Variants in ZNF644 observed in about 807,000 individuals in gnomAD.
ZNF644 encodes the protein zinc finger protein 644.
Under a neutral mutation model 108.0 loss-of-function variants are expected in ZNF644, and 20 were observed. The ratio of observed to expected loss-of-function variants is 0.19; its 90% CI spans 0.13 to 0.27. ZNF644 has a LOEUF of 0.27. ZNF644 is among the 10% of genes least tolerant of loss of function. The pLI, the probability that ZNF644 is intolerant of heterozygous loss-of-function variation, is 1.00. For synonymous variants in ZNF644, 542 were observed against 539.1 expected (o/e 1.01, Z -0.08); for missense variants, 1,338 against 1,548.9 (o/e 0.86, Z 2.29).
chr1:90,936,140 C>A (rs576896728), intron 4 of ZNF644, among the ~76,000 whole-genome samples: 1 of 152,234 alleles, frequency 6.6e-6, no homozygotes, highest in Non-Finnish European at 1.5e-5. Context: ...TTGCTAAAAT[C>A]TTTGTGCTAA....
rs1269666611 is a variant in ZNF644 at position 90,917,001 on chromosome 1, A to G, written c.3792-11T>C. 9.3e-6 allele frequency: 15 copies of G among 1,614,018 alleles called. No individual in the cohort carries two copies. Among genetic ancestry groups the G allele is most frequent in the East Asian group, 2.2e-5 (1 of 44,874 alleles). ...ACTAGGCCACAAAACCTACAGAAAG[A>G]TAACAATTCTCTTAACATGACCAAT... On this transcript the variant is annotated splice_polypyrimidine_tract_variant and intron_variant, in intron 5 of 5. Coordinates refer to ENST00000337393, the MANE Select transcript of ZNF644 (RefSeq NM_201269.3).
intron 4 of ZNF644, 55 bp from the exon 5 acceptor site, chr1:90,918,209 A>C: frequency 7.1e-7 from 1 of 1,414,552 alleles, no homozygotes; most frequent in Non-Finnish European, 1.0e-6. Context: ...AAATATACAT[A>C]CACACATATT....
At chr1:90,923,364 G>A (rs1425626302) in intron 4 of ZNF644, among the ~76,000 whole-genome samples, 2 of 151,866 alleles carry the variant, frequency 1.3e-5, no homozygotes, top group Admixed American at 6.6e-5. Flanking sequence ...AAAAAAAAAG[G>A]CTGAGAAAAA....
intron 1 of ZNF644, among the ~76,000 whole-genome samples, chr1:91,000,053 C>T (rs1288392969): frequency 6.6e-6 from 1 of 152,144 alleles, no homozygotes; most frequent in Non-Finnish European, 1.5e-5. Flanking sequence ...CCTTAGAGAC[C>T]TACAAAGAGA....
intron 1 of ZNF644, among the ~76,000 whole-genome samples, chr1:91,005,452 C>T (rs1659322349): frequency 6.6e-6 from 1 of 152,070 alleles, no homozygotes; most frequent in Admixed American, 6.5e-5. Context: ...AAGACTTGAA[C>T]ACTATAAACT....
chr1:90,977,466 A>G (rs1656129230), intron 2 of ZNF644, among the ~76,000 whole-genome samples: 1 of 152,212 alleles, frequency 6.6e-6, no homozygotes, highest in African/African-American at 2.4e-5. Context: ...CTTCACATAT[A>G]TTCTCCAACA....
chr1:91,009,884 C>A (rs1321940953), intron 1 of ZNF644, among the ~76,000 whole-genome samples: 1 of 152,098 alleles, frequency 6.6e-6, no homozygotes, highest in African/African-American at 2.4e-5. Context: ...TTCTTTCATT[C>A]TTATTTTAGC....
intron 1 of ZNF644, among the ~76,000 whole-genome samples, chr1:91,007,543 A>T (rs529944195): frequency 6.6e-6 from 1 of 152,148 alleles, no homozygotes; most frequent in East Asian, 1.9e-4. Context: ...TTGAACGTGC[A>T]TGCAAGTGTG....
rs555225868 is a variant in ZNF644, at chr1:90,966,042, C to G, written c.44+16268G>C. On this transcript the variant is annotated intron_variant, in intron 2 of 5. Coordinates refer to ENST00000337393, the MANE Select transcript of ZNF644 (RefSeq NM_201269.3). ...CCTGGCTTATAGGCATGAGCCACCG[C>G]GCCTGGCCCCAACTCTCTTTCTCAA... Among the ~76,000 whole-genome samples the G allele has an allele frequency of 1.0e-3, 152 of 152,248 alleles. 1 individual carries two copies. The highest frequency in any genetic ancestry group is 3.5e-3 in the African/African-American group (145 of 41,554).
rs373201139 is a variant in ZNF644 at position 91,000,117 on chromosome 1, T to C, written c.-17-17747A>G. Among the ~76,000 whole-genome samples the C allele has an allele frequency of 2.4e-4, 37 of 152,226 alleles. No homozygotes were observed. In the East Asian group the frequency reaches 6.4e-3, roughly 26 times the overall value. On this transcript the variant is annotated intron_variant, in intron 1 of 5. Transcript: ENST00000337393. ...GACTTTAGCACCCCACTGTCAACAT[T>C]AGACAGATCAACAAGACAGAAAGTT...
chr1:90,993,349 A>G (rs1161312229), intron 1 of ZNF644, among the ~76,000 whole-genome samples: 3 of 151,622 alleles, frequency 2.0e-5, no homozygotes, highest in Non-Finnish European at 4.4e-5. Flanking sequence ...TCAATGCCCA[A>G]ATATATCAGA....
chr1:91,010,550 C>T (rs1659868160), intron 1 of ZNF644, among the ~76,000 whole-genome samples: 1 of 151,950 alleles, frequency 6.6e-6, no homozygotes, highest in African/African-American at 2.4e-5. Context: ...TTCCCCCTAG[C>T]TGTTATCTCC....
intron 4 of ZNF644, among the ~76,000 whole-genome samples, chr1:90,926,672 C>G (rs1436145536): frequency 6.6e-6 from 1 of 152,174 alleles, no homozygotes; most frequent in Non-Finnish European, 1.5e-5. Context: ...TAACCATCCT[C>G]CTCCCACTCA....
At chr1:91,002,264 C>A (rs940043416) in intron 1 of ZNF644, among the ~76,000 whole-genome samples, 6 of 152,144 alleles carry the variant, frequency 3.9e-5, no homozygotes, top group Non-Finnish European at 5.9e-5. Flanking sequence ...CATCACGCTA[C>A]CTGACTTCAA....
intron 2 of ZNF644, among the ~76,000 whole-genome samples, chr1:90,972,153 T>C (rs1163913522): frequency 6.6e-6 from 1 of 152,042 alleles, no homozygotes; most frequent in Non-Finnish European, 1.5e-5. Context: ...AATTGAACTT[T>C]GTGAAAATGT....
In ZNF644 at chr1:90,916,560, G is replaced by A. The variant is rs941205003; in HGVS notation, c.*238C>T. The A allele has an allele frequency of 6.5e-5, 34 of 520,834 alleles. 1 individual carries two copies. The highest frequency in any genetic ancestry group is 5.3e-4 in the Middle Eastern group (1 of 1,884). The allele number at this position is 520,834 out of a possible 1,614,324, so 32.3% of individuals were successfully genotyped here. On this transcript the variant is annotated 3_prime_UTR_variant, in exon 6 of 6. Coordinates refer to ENST00000337393, the MANE Select transcript of ZNF644 (RefSeq NM_201269.3). ...CTTACATGTACTGCTCTTTTACTGAGTGAACACAGTTAACCAACAAAACTT... is the reference window on the plus strand; with the variant it reads ...CTTACATGTACTGCTCTTTTACTGAATGAACACAGTTAACCAACAAAACTT...
intron 1 of ZNF644, among the ~76,000 whole-genome samples, chr1:90,999,896 T>C (rs148232364): frequency 0.13 from 20,456 of 152,080 alleles, 1,417 homozygotes; most frequent in South Asian, 0.16. Flanking sequence ...TCCTAGTCTC[T>C]GATAAAACAG....
intron 1 of ZNF644, among the ~76,000 whole-genome samples, chr1:91,000,845 A>C (rs1024032393): frequency 6.6e-6 from 1 of 151,458 alleles, no homozygotes; most frequent in Non-Finnish European, 1.5e-5. Context: ...AAAAATGATA[A>C]AGGGGATATC....
intron 1 of ZNF644, among the ~76,000 whole-genome samples, chr1:90,989,612 C>T (rs1376147880): frequency 6.6e-6 from 1 of 152,114 alleles, no homozygotes; most frequent in African/African-American, 2.4e-5. Context: ...ATCTAAACTA[C>T]AAGATATCAC....
Sources: allele counts gnomAD v4.1 joint callset (sites outside exome capture counted in the v4.1 genomes callset), GRCh38; gene constraint gnomAD v4.1.1; transcripts MANE v1.5; gene names NCBI Gene and HGNC (gene_info 2026-07-23, HGNC 2026-07-21).